Variants in TMEM213 observed in about 807,000 individuals in gnomAD.
TMEM213 encodes the protein transmembrane protein 213.
A neutral mutation model predicts 11.6 loss-of-function variants in TMEM213; 7 were observed. The ratio of observed to expected loss-of-function variants is 0.60; its 90% CI spans 0.34 to 1.13. The LOEUF (loss-of-function observed/expected upper bound fraction) is 1.13, where lower values mean the gene tolerates loss of function less well. Among genes scored for constraint, TMEM213 ranks in the 50% most tolerant of loss-of-function variants. The pLI is 0.03. For synonymous variants in TMEM213, 60 were observed against 58.3 expected, an observed-to-expected ratio of 1.03 and a Z score of -0.13; for missense variants, 129 against 139.0, an observed-to-expected ratio of 0.93 and a Z score of 0.36.
At chr7:138,799,074 G>GACTC (rs1265106344) in intron 1 of TMEM213, among the ~76,000 whole-genome samples, 1 of 152,140 alleles carries the variant, frequency 6.6e-6, no homozygotes, top group Non-Finnish European at 1.5e-5. Flanking sequence ...CAGCTTCCAT[G>GACTC]ACTCACTAGC....
intron 1 of TMEM213, chr7:138,799,677 C>T (rs542502199): frequency 6.6e-6 from 1 of 152,112 alleles, no homozygotes; most frequent in South Asian, 2.1e-4. Flanking sequence ...AAAGTCAGGG[C>T]CAAGGAAGTT....
Position 138,801,346 on chromosome 7 carries a change from C to A in TMEM213, c.102C>A (p.Ser34Arg). The A allele has an allele frequency of 6.2e-7, 1 of 1,612,336 alleles. No individual in the cohort carries two copies. Among genetic ancestry groups the A allele is most frequent in the Non-Finnish European group, 8.5e-7 (1 of 1,179,276 alleles). ...TTCCAGAAGCAAGCAGCAGCAACAG[C>A]TCAAGCTTGACCGCTCACCACCCAG... ...ACSAEASSSN[S>R]SSLTAHHPDP... Residue 34 changes from serine (S) to arginine (R), a missense_variant, in exon 2 of 3, where the codon AGC (serine) becomes AGA (arginine). By Grantham distance (110) the Ser-to-Arg change is moderately radical. Coordinates refer to ENST00000442682, the MANE Select transcript of TMEM213 (RefSeq NM_001085429.2).
Position 138,798,045 on chromosome 7 carries a change from A to G in TMEM213, c.-60A>G, listed in dbSNP as rs1387020525. ...GGGAGTCGACTCACCTGCAGCAGGC[A>G]CTCGGCACAACTCCGCAGGACCGGC... On this transcript the variant is annotated 5_prime_UTR_variant, in exon 1 of 3. Coordinates refer to ENST00000442682, the MANE Select transcript of TMEM213 (RefSeq NM_001085429.2). The G allele has an allele frequency of 1.3e-6, 2 of 1,557,258 alleles. No individual in the cohort carries two copies. The highest frequency in any genetic ancestry group is 2.7e-5 in the African/African-American group (2 of 73,258).
At chr7:138,798,303 C>A (rs1808796094) in intron 1 of TMEM213, 117 bp downstream of exon 1, 3 of 617,382 alleles carry the variant, frequency 4.9e-6, no homozygotes. Context: ...TGGTCCTGCG[C>A]AAAGGAAGGA....
chr7:138,800,708 T>TCTTCTTCTTC (rs1554404923), intron 1 of TMEM213, among the ~76,000 whole-genome samples: 1 of 147,948 alleles, frequency 6.8e-6, no homozygotes, highest in African/African-American at 2.5e-5. Flanking sequence ...CTTCTTCTTT[T>TCTTCTTCTTC]TTTTTTTTTT....
At chr7:138,798,969 C>G (rs961220043) in intron 1 of TMEM213, among the ~76,000 whole-genome samples, 12 of 152,180 alleles carry the variant, frequency 7.9e-5, no homozygotes, top group Non-Finnish European at 1.5e-4. Context: ...GTCTGCCCCT[C>G]TCATCCTCAG....
At position 138,803,075 on chromosome 7, in the gene TMEM213, A is replaced by C; in HGVS notation, c.*6A>C. 6.2e-7 allele frequency: 1 copy of C among 1,611,832 alleles called. No individual in the cohort carries two copies. Among genetic ancestry groups the C allele is most frequent in the Non-Finnish European group, 8.5e-7 (1 of 1,179,422 alleles). ...CCAAGGACTTGCAAGCGTGAGACCC[A>C]GGCTCGGTGCACAAAATGGTGATCG... On this transcript the variant is annotated 3_prime_UTR_variant, in exon 3 of 3. Coordinates refer to ENST00000442682, the MANE Select transcript of TMEM213 (RefSeq NM_001085429.2).
intron 1 of TMEM213, among the ~76,000 whole-genome samples, chr7:138,800,537 A>G (rs1808900264): frequency 6.6e-6 from 1 of 152,096 alleles, no homozygotes; most frequent in Non-Finnish European, 1.5e-5. Flanking sequence ...TTTGACAGCC[A>G]TCATTCTGGA....
rs199612159 is a variant in TMEM213, at chr7:138,800,930, C to T, written c.83-397C>T. ...GCCAGGCTGTTCTTGAACTCCTGAC[C>T]TCAGGTGATCTGCCCACCTCGGCCT... is the stretch of plus-strand genomic sequence containing the variant. On this transcript the variant is annotated intron_variant, in intron 1 of 2. Coordinates refer to ENST00000442682, the MANE Select transcript of TMEM213 (RefSeq NM_001085429.2). 2.6e-5 allele frequency among the ~76,000 whole-genome samples: 4 copies of T among 152,030 alleles called. No homozygotes were observed. In the East Asian group the frequency reaches 7.7e-4, roughly 29 times the overall value.
At chr7:138,802,835 T>G in intron 2 of TMEM213, 65 bp from the exon 3 acceptor site, 9 of 1,466,752 alleles carry the variant, frequency 6.1e-6, no homozygotes, top group Non-Finnish European at 8.2e-6. Context: ...TTAATATTAA[T>G]GGTAGAGAAG....
chr7:138,803,077 G>C lies in TMEM213; in HGVS notation c.*8G>C, dbSNP rs757822612. On this transcript the variant is annotated 3_prime_UTR_variant, in exon 3 of 3. Transcript: ENST00000442682. ...AAGGACTTGCAAGCGTGAGACCCAG[G>C]CTCGGTGCACAAAATGGTGATCGCC... The C allele has an allele frequency of 1.2e-6, 2 of 1,611,432 alleles. No homozygotes were observed. The highest frequency in any genetic ancestry group is 1.7e-6 in the Non-Finnish European group (2 of 1,179,340).
At position 138,806,033 on chromosome 7, in the gene TMEM213, C is replaced by T. The variant is rs930599428; in HGVS notation, c.*2964C>T. 3 of 152,184 alleles carry T rather than the reference C, an allele frequency of 2.0e-5. No homozygotes were observed. The highest frequency in any genetic ancestry group is 7.2e-5 in the African/African-American group (3 of 41,438). The allele number at this position is 152,184 out of a possible 1,614,324, so 9.4% of individuals were successfully genotyped here. On this transcript the variant is annotated 3_prime_UTR_variant, in exon 3 of 3. Coordinates refer to ENST00000442682, the MANE Select transcript of TMEM213 (RefSeq NM_001085429.2). ...TGTAGGCATTTTGTCAATTGCTTTT[C>T]TTTCATCTGCACAAGAGGAAGGAGA... is the stretch of plus-strand genomic sequence containing the variant.
At chr7:138,801,582 C>T (rs1808950057) in intron 2 of TMEM213, 184 bp downstream of exon 2, 2 of 607,694 alleles carry the variant, frequency 3.3e-6, no homozygotes, top group Admixed American at 5.8e-5. Flanking sequence ...TTTCTTGGCT[C>T]TGATCCCCAT....
At chr7:138,801,514 C>T in intron 2 of TMEM213, 116 bp downstream of exon 2, 2 of 975,544 alleles carry the variant, frequency 2.1e-6, no homozygotes, top group East Asian at 2.6e-5. Context: ...CCTGCCTGGC[C>T]TTCCTGTGCA....
Position 138,805,393 on chromosome 7 carries a change from T to TG in TMEM213, c.*2326dup, listed in dbSNP as rs1458310494. The TG allele has an allele frequency of 1.5e-5, 2 of 137,450 alleles. No homozygotes were observed. The highest frequency in any genetic ancestry group is 3.1e-5 in the African/African-American group (1 of 32,522). 8.5% of individuals were successfully genotyped at this position (137,450 alleles called of 1,614,324 possible). A position where few individuals can be genotyped will look rare whatever the true frequency, so the allele number is the denominator to read the frequency against. On this transcript the variant is annotated 3_prime_UTR_variant, in exon 3 of 3. Coordinates refer to ENST00000442682, the MANE Select transcript of TMEM213 (RefSeq NM_001085429.2). Reference sequence around the variant, plus strand: ...CTGGGCAACAAAGTGAGACCCTGTCTGGAAAAAAAAAAAAAAAAAGCGTCT... The same window carrying TG: ...CTGGGCAACAAAGTGAGACCCTGTCTGGGAAAAAAAAAAAAAAAAAGCGTCT...
In TMEM213 at chr7:138,798,059, C is replaced by G; in HGVS notation, c.-46C>G. Reference sequence around the variant, plus strand: ...CTGCAGCAGGCACTCGGCACAACTCCGCAGGACCGGCTCACCTGCACCGGG... The same window carrying G: ...CTGCAGCAGGCACTCGGCACAACTCGGCAGGACCGGCTCACCTGCACCGGG... On this transcript the variant is annotated 5_prime_UTR_variant, in exon 1 of 3. Coordinates refer to ENST00000442682, the MANE Select transcript of TMEM213 (RefSeq NM_001085429.2). 6.4e-7 allele frequency: 1 copy of G among 1,564,260 alleles called. No individual in the cohort carries two copies. Among genetic ancestry groups the G allele is most frequent in the Non-Finnish European group, 8.7e-7 (1 of 1,154,604 alleles).
Position 138,804,868 on chromosome 7 carries a change from A to C in TMEM213, c.*1799A>C, listed in dbSNP as rs1226144815. On this transcript the variant is annotated 3_prime_UTR_variant, in exon 3 of 3. Coordinates refer to ENST00000442682, the MANE Select transcript of TMEM213 (RefSeq NM_001085429.2). ...GGTTCATCAGAAGAAAGAAAGGACA[A>C]AATGACTCCTTATGAAGCATTTTGT... The C allele has an allele frequency of 6.6e-6, 1 of 152,230 alleles. No homozygotes were observed. Among genetic ancestry groups the C allele is most frequent in the Non-Finnish European group, 1.5e-5 (1 of 68,050 alleles). 9.4% of individuals were successfully genotyped at this position (152,230 alleles called of 1,614,324 possible).
chr7:138,805,807 A>G lies in TMEM213; in HGVS notation c.*2738A>G, dbSNP rs1809090304. On this transcript the variant is annotated 3_prime_UTR_variant, in exon 3 of 3. Coordinates refer to ENST00000442682, the MANE Select transcript of TMEM213 (RefSeq NM_001085429.2). ...GCTTCATGGAATCGGGGTAGGCATG[A>G]GGCCCGTTGTTCTTTCAACCTGAGC... 2 of 152,066 alleles carry G rather than the reference A, an allele frequency of 1.3e-5. No individual in the cohort carries two copies. Among genetic ancestry groups the G allele is most frequent in the Non-Finnish European group, 2.9e-5 (2 of 68,012 alleles). 9.4% of individuals were successfully genotyped at this position (152,066 alleles called of 1,614,324 possible).
rs930307437 is a variant in TMEM213 at position 138,803,034 on chromosome 7, C to T, written c.289C>T (p.Leu97=). The change falls in exon 3 of 3, where the codon CTG becomes TTG. Residue 97 remains leucine, a synonymous_variant. Transcript: ENST00000442682. ...GCTCTGTGTGGACAAACTGATGAAG[C>T]TGACTCCAGATGAGCCCAAGGACTT... ...ILLCVDKLMK[L]TPDEPKDLQA 3.7e-6 allele frequency: 6 copies of T among 1,613,612 alleles called. No homozygotes were observed. The African/African-American group carries it at 8.0e-5, about 22-fold the overall frequency.
Sources: gnomAD v4.1 joint callset for allele counts (sites outside exome capture counted in the v4.1 genomes callset) on GRCh38, gnomAD v4.1.1 for gene constraint, MANE v1.5 for transcripts, NCBI Gene and HGNC (gene_info 2026-07-23, HGNC 2026-07-21) for gene names.